BPIFC: variants seen among roughly 807,000 people sequenced by gnomAD.
BPIFC encodes the protein BPI fold-containing family C protein.
BPIFC carries 60 observed loss-of-function variants against 57.6 expected under a neutral mutation model. That is an observed-to-expected ratio of 1.04 (90% CI 0.85 to 1.29). The LOEUF (loss-of-function observed/expected upper bound fraction) is 1.29, where lower values mean the gene tolerates loss of function less well. BPIFC is among the 50% of genes most tolerant of loss of function. BPIFC has a pLI of 0.00. For synonymous variants in BPIFC, 243 were observed against 224.5 expected, an observed-to-expected ratio of 1.08 and a Z score of -0.74; for missense variants, 581 against 600.5, an observed-to-expected ratio of 0.97 and a Z score of 0.34.
At chr22:32,450,192 T>C (rs1934857275) in intron 4 of BPIFC, among the ~76,000 whole-genome samples, 1 of 152,168 alleles carries the variant, frequency 6.6e-6, no homozygotes, top group Non-Finnish European at 1.5e-5. Flanking sequence ...ACTGTATTTT[T>C]ACTGTCCCTT....
chr22:32,454,537 C>G (rs1370368158), intron 3 of BPIFC, among the ~76,000 whole-genome samples: 1 of 152,174 alleles, frequency 6.6e-6, no homozygotes, highest in Non-Finnish European at 1.5e-5. Flanking sequence ...ACCTCTCCCA[C>G]ATTAAAGAGC....
chr22:32,426,972 C>T (rs1934087118), intron 13 of BPIFC, among the ~76,000 whole-genome samples: 1 of 152,080 alleles, frequency 6.6e-6, no homozygotes, highest in Non-Finnish European at 1.5e-5. Flanking sequence ...TGCAGTGGGC[C>T]CTGCAAATTA....
At chr22:32,447,437 G>A in intron 4 of BPIFC, 97 bp from the exon 5 acceptor site, 2 of 1,436,922 alleles carry the variant, frequency 1.4e-6, no homozygotes, top group Non-Finnish European at 1.9e-6. Flanking sequence ...TTACCATTGA[G>A]GCCATTGTGA....
chr22:32,457,503 T>A (rs1935065063), intron 2 of BPIFC, 117 bp from the exon 3 acceptor site: 4 of 1,062,800 alleles, frequency 3.8e-6, no homozygotes, highest in Non-Finnish European at 5.4e-6. Flanking sequence ...ACTCAATACA[T>A]CCATCCAATC....
intron 3 of BPIFC, among the ~76,000 whole-genome samples, chr22:32,454,409 C>T (rs756876937): frequency 2.6e-5 from 4 of 152,050 alleles, no homozygotes; most frequent in Non-Finnish European, 5.9e-5. Context: ...GTCAAAGGAT[C>T]CTGATATTTT....
At chr22:32,453,059 C>T (rs767269327) in intron 4 of BPIFC, among the ~76,000 whole-genome samples, 14 of 152,084 alleles carry the variant, frequency 9.2e-5, no homozygotes, top group Admixed American at 2.6e-4. Context: ...AAGTTCTGTC[C>T]ATTGTTGGTT....
chr22:32,435,186 G>A (rs1030216070), intron 10 of BPIFC, among the ~76,000 whole-genome samples: 9 of 152,070 alleles, frequency 5.9e-5, no homozygotes, highest in Admixed American at 5.2e-4. Flanking sequence ...TACCTCTAAG[G>A]TCACAGGCAA....
In BPIFC at chr22:32,437,994, A is replaced by G. The variant is rs184369244; in HGVS notation, c.656-143T>C. The stretch of plus-strand genomic sequence containing the variant: ...CTGCTTTTCAGAAGTAATACATGTT[A>G]TCTTTTGAAAACCCAGGAAAAGTAG... On this transcript the variant is annotated intron_variant, in intron 8 of 16. Coordinates refer to ENST00000300399, the MANE Select transcript of BPIFC (RefSeq NM_174932.3). The G allele has an allele frequency of 2.7e-3, 1,486 of 553,820 alleles. 4 individuals carry two copies. Among genetic ancestry groups the G allele is most frequent in the Non-Finnish European group, 3.7e-3 (1,203 of 320,928 alleles). The allele number at this position is 553,820 out of a possible 1,614,324, so 34.3% of individuals were successfully genotyped here.
rs766957836 is a variant in BPIFC at position 32,437,857 on chromosome 22, T to C, written c.656-6A>G. 6.3e-6 allele frequency: 10 copies of C among 1,581,462 alleles called. No individual in the cohort carries two copies. Among genetic ancestry groups the C allele is most frequent in the Non-Finnish European group, 8.7e-6 (10 of 1,152,034 alleles). On this transcript the variant is annotated splice_polypyrimidine_tract_variant and splice_region_variant and intron_variant, in intron 8 of 16. Coordinates refer to ENST00000300399, the MANE Select transcript of BPIFC (RefSeq NM_174932.3). ...GTTGTCAATCTTGGTTAAAACTAAA[T>C]AACCAACAAAGAAAAAAGAAAATCC...
chr22:32,447,968 A>C (rs559760545), intron 4 of BPIFC, among the ~76,000 whole-genome samples: 81 of 152,292 alleles, frequency 5.3e-4, no homozygotes, highest in African/African-American at 1.8e-3. Flanking sequence ...AAAGACAAAA[A>C]AAAGGCACAA....
rs112259572 is a variant in BPIFC, at chr22:32,461,977, T to C, written c.-88-316A>G. Among the ~76,000 whole-genome samples, 276 of 151,926 alleles carry C rather than the reference T, an allele frequency of 1.8e-3. 2 individuals carry two copies. Among genetic ancestry groups the C allele is most frequent in the African/African-American group, 6.4e-3 (265 of 41,490 alleles). The stretch of plus-strand genomic sequence containing the variant: ...TCATGAGGTCAAGAGATCAAGGCCA[T>C]CCTGGCTAACATGGTGAAACTGTCT... On this transcript the variant is annotated intron_variant, in intron 1 of 16. Transcript: ENST00000300399.
chr22:32,441,308 T>C (rs559035639), intron 8 of BPIFC, among the ~76,000 whole-genome samples: 1 of 152,286 alleles, frequency 6.6e-6, no homozygotes, highest in African/African-American at 2.4e-5. Context: ...CCTCTCCACC[T>C]CCTCCACTGC....
At chr22:32,444,721 C>T (rs1469180697) in intron 7 of BPIFC, among the ~76,000 whole-genome samples, 2 of 152,092 alleles carry the variant, frequency 1.3e-5, no homozygotes, top group Non-Finnish European at 2.9e-5. Context: ...TCTTCTTATC[C>T]TTCATTCCTT....
chr22:32,414,539 T>G, intron 16 of BPIFC, 114 bp from the exon 17 acceptor site: 141 of 1,143,494 alleles, frequency 1.2e-4, no homozygotes, highest in Middle Eastern at 2.8e-4. Flanking sequence ...TGAGATGGAG[T>G]CTCAAAGGCT....
rs1933979034 is a variant in BPIFC at position 32,424,675 on chromosome 22, T to TTCC, written c.1218-5272_1218-5271insGGA. Among the ~76,000 whole-genome samples, 11 of 84,948 alleles carry TTCC rather than the reference T, an allele frequency of 1.3e-4. 3 individuals are homozygous for TTCC. Among genetic ancestry groups the TTCC allele is most frequent in the African/African-American group, 3.1e-4 (4 of 12,916 alleles). The allele number at this position is 84,948 out of a possible 152,430, so 55.7% of individuals were successfully genotyped here. On this transcript the variant is annotated intron_variant, in intron 13 of 16. Transcript: ENST00000300399. The stretch of plus-strand genomic sequence containing the variant: ...CTTCTTCTTCTTCTTCTTCTTCTTC[T>TTCC]TCTTCTTCTTCTTCTTCCTCTTCTT...
intron 13 of BPIFC, among the ~76,000 whole-genome samples, chr22:32,429,091 ATGCAAAGCTATT>A (rs1283543984): frequency 6.6e-6 from 1 of 152,184 alleles, no homozygotes; most frequent in Non-Finnish European, 1.5e-5. Flanking sequence ...CCTCTTCCAG[ATGCAAAGCTATT>A]TTATACAATT....
intron 1 of BPIFC, among the ~76,000 whole-genome samples, chr22:32,461,940 A>G (rs1935168598): frequency 6.6e-6 from 1 of 152,152 alleles, no homozygotes; most frequent in Non-Finnish European, 1.5e-5. Context: ...TTGGAAGGCC[A>G]AGGTGGGCGG....
chr22:32,432,356 T>C lies in BPIFC; in HGVS notation c.1149+17A>G, dbSNP rs9609551. ...GATTGGCATCTACAGGCTGCTCCAC[T>C]GTCTCCCCAGACTTACGAAGTCCAT... On this transcript the variant is annotated intron_variant, in intron 12 of 16. Transcript: ENST00000300399. The C allele has an allele frequency of 0.23, 373,124 of 1,612,556 alleles. 48,365 individuals carry two copies. The highest frequency in any genetic ancestry group is 0.47 in the African/African-American group (35,245 of 74,846).
intron 4 of BPIFC, among the ~76,000 whole-genome samples, chr22:32,453,017 T>A (rs111770111): frequency 1.3e-5 from 2 of 152,356 alleles, no homozygotes; most frequent in African/African-American, 4.8e-5. Context: ...AGTTTTCCAG[T>A]CTCCCTTGCT....
Sources: gnomAD v4.1 joint callset for allele counts (sites outside exome capture counted in the v4.1 genomes callset) on GRCh38, gnomAD v4.1.1 for gene constraint, MANE v1.5 for transcripts, NCBI Gene and HGNC (gene_info 2026-07-23, HGNC 2026-07-21) for gene names.